Variants in NIBAN2 observed in about 807,000 individuals in gnomAD.
NIBAN2 encodes niban apoptosis regulator 2, also known as protein Niban 2.
In NIBAN2, 36 loss-of-function variants were observed where a neutral mutation model predicts 81.8. The observed-to-expected ratio is 0.44, with a 90% CI of 0.34 to 0.58. The LOEUF is 0.58. Ranked by LOEUF, NIBAN2 falls within the 20% of genes least tolerant of loss-of-function variation. The pLI is 0.02. For missense variants in NIBAN2, 897 were observed against 1,014.1 expected (o/e 0.88, Z 1.57); for synonymous variants, 445 against 441.6 (o/e 1.01, Z -0.10).
intron 1 of NIBAN2, among the ~76,000 whole-genome samples, chr9:127,558,022 T>C (rs540420864): frequency 6.6e-6 from 1 of 151,264 alleles, no homozygotes; most frequent in East Asian, 2.0e-4. Flanking sequence ...GGTCAGCCCC[T>C]ACCTCCTTGG....
chr9:127,561,064 T>C, intron 1 of NIBAN2: 1 of 940,902 alleles, frequency 1.1e-6, no homozygotes, highest in African/African-American at 1.8e-5. Flanking sequence ...GGAGGGAGCA[T>C]GTTCCCATCC....
chr9:127,578,857 TAAAC>T (rs1838041077), intron 1 of NIBAN2: 14 of 1,542,394 alleles, frequency 9.1e-6, no homozygotes, highest in East Asian at 4.6e-5. Context: ...ACCTCCTCTC[TAAAC>T]AAACAAACAA....
Position 127,530,167 on chromosome 9 carries a change from C to T in NIBAN2, c.186+1481G>A, listed in dbSNP as rs561577116. ...CACAGATACGCACCTGCCAGACACC[C>T]AGGCCGGGCCACAGCAGGCCCCTCT... On this transcript the variant is annotated intron_variant, in intron 2 of 13. Transcript: ENST00000373312. Among the ~76,000 whole-genome samples the T allele has an allele frequency of 5.9e-5, 9 of 152,354 alleles. No homozygotes were observed. The South Asian group carries it at 1.7e-3, about 28-fold the overall frequency.
chr9:127,575,230 C>CTTT (rs11309796), intron 1 of NIBAN2, among the ~76,000 whole-genome samples: 1,700 of 122,528 alleles, frequency 0.014, 40 homozygotes, highest in African/African-American at 0.049. Flanking sequence ...AATATGGATT[C>CTTT]TTTTTTTTTT....
chr9:127,518,913 C>T (rs777587168), intron 5 of NIBAN2, among the ~76,000 whole-genome samples: 1 of 152,168 alleles, frequency 6.6e-6, no homozygotes, highest in Non-Finnish European at 1.5e-5. Flanking sequence ...GTGGCTCATG[C>T]CTGCAATCCC....
chr9:127,513,049 A>C (rs1219956757), intron 8 of NIBAN2, among the ~76,000 whole-genome samples: 2 of 152,160 alleles, frequency 1.3e-5, no homozygotes, highest in Non-Finnish European at 2.9e-5. Context: ...AAAAAGAACG[A>C]GTTTCAGTCA....
At chr9:127,524,475 CTGTGCTTTGTAGACACTG>C (rs1837022280) in intron 4 of NIBAN2, among the ~76,000 whole-genome samples, 1 of 152,246 alleles carries the variant, frequency 6.6e-6, no homozygotes, top group Admixed American at 6.5e-5. Flanking sequence ...CTCTTAGTGC[CTGTGCTTTGTAGACACTG>C]AAGAGGCTGA....
chr9:127,527,588 G>A (rs979559904), intron 2 of NIBAN2, among the ~76,000 whole-genome samples: 2 of 152,204 alleles, frequency 1.3e-5, no homozygotes, highest in African/African-American at 4.8e-5. Context: ...CCCAGGACAG[G>A]CACTGATGTA....
At chr9:127,518,007 T>C in intron 5 of NIBAN2, 66 bp from the exon 6 acceptor site, 1 of 1,083,040 alleles carries the variant, frequency 9.2e-7, no homozygotes, top group Non-Finnish European at 1.3e-6. Flanking sequence ...CAAGACCAAC[T>C]GAGAACTGAC....
chr9:127,558,202 G>A (rs922733720), intron 1 of NIBAN2, among the ~76,000 whole-genome samples: 3 of 152,160 alleles, frequency 2.0e-5, no homozygotes, highest in Non-Finnish European at 1.5e-5. Context: ...TGTGAGGCCC[G>A]CACAGGGCTT....
chr9:127,542,775 T>G (rs139785909), intron 1 of NIBAN2, among the ~76,000 whole-genome samples: 1 of 152,190 alleles, frequency 6.6e-6, no homozygotes, highest in Non-Finnish European at 1.5e-5. Flanking sequence ...CAGGCTGGAG[T>G]GCAGTGGCAC....
At chr9:127,519,920 C>T (rs1422919151) in intron 5 of NIBAN2, among the ~76,000 whole-genome samples, 2 of 152,206 alleles carry the variant, frequency 1.3e-5, no homozygotes, top group Admixed American at 6.5e-5. Flanking sequence ...GGCACTCCCA[C>T]GGGGAGAGGG....
At chr9:127,556,193 G>A (rs1325342964) in intron 1 of NIBAN2, among the ~76,000 whole-genome samples, 3 of 152,192 alleles carry the variant, frequency 2.0e-5, no homozygotes, top group East Asian at 1.9e-4. Context: ...AGTGAGTCAC[G>A]CTTCGAGGAA....
At chr9:127,577,053 G>A (rs1838018416) in intron 1 of NIBAN2, among the ~76,000 whole-genome samples, 1 of 151,584 alleles carries the variant, frequency 6.6e-6, no homozygotes, top group Admixed American at 6.6e-5. Context: ...AGGTGCAGTG[G>A]CTCACGCACT....
intron 1 of NIBAN2, among the ~76,000 whole-genome samples, chr9:127,576,276 G>GGGTA (rs1272062772): frequency 6.6e-6 from 1 of 151,924 alleles, no homozygotes; most frequent in Non-Finnish European, 1.5e-5. Context: ...ACACATCATG[G>GGGTA]GGTACAAAGT....
chr9:127,558,892 C>T (rs1045646521), intron 1 of NIBAN2, among the ~76,000 whole-genome samples: 8 of 151,992 alleles, frequency 5.3e-5, no homozygotes, highest in Admixed American at 1.3e-4. Context: ...CCAGGAACTG[C>T]GCAGTGCACC....
rs746299762 is a variant in NIBAN2, at chr9:127,507,849, C to T, written c.1654+18G>A. The stretch of plus-strand genomic sequence containing the variant: ...AGCATCCTCCTGGCAACAGTCCCCA[C>T]CCCGGGACGGCACCCACCCTGCAGG... On this transcript the variant is annotated intron_variant, in intron 13 of 13. Transcript: ENST00000373312. This position sits in a 1 kb window ranked among gnomAD's most constrained non-coding sequence, Gnocchi z 6.8. 3 of 1,610,508 alleles carry T rather than the reference C, an allele frequency of 1.9e-6. No individual in the cohort carries two copies. Among genetic ancestry groups the T allele is most frequent in the Non-Finnish European group, 2.5e-6 (3 of 1,177,020 alleles).
chr9:127,575,853 G>A (rs964964196), intron 1 of NIBAN2, among the ~76,000 whole-genome samples: 8 of 151,876 alleles, frequency 5.3e-5, no homozygotes, highest in African/African-American at 9.7e-5. Context: ...TTTTTTTCCC[G>A]CATCTTGCCC....
At chr9:127,526,264 G>A (rs954053438) in intron 3 of NIBAN2, among the ~76,000 whole-genome samples, 1 of 152,012 alleles carries the variant, frequency 6.6e-6, no homozygotes, top group Non-Finnish European at 1.5e-5. Context: ...GCTGGGAATG[G>A]TGGTGCACGC....
Sources: gnomAD v4.1 joint callset for allele counts (sites outside exome capture counted in the v4.1 genomes callset) on GRCh38, gnomAD v4.1.1 for gene constraint, Gnocchi (gnomAD v3.1) non-coding constraint, MANE v1.5 for transcripts, NCBI Gene and HGNC (gene_info 2026-07-23, HGNC 2026-07-21) for gene names.